Variants in CDH10 observed in about 807,000 individuals in gnomAD.
The protein encoded by CDH10 is cadherin-10.
Under a neutral mutation model 73.1 loss-of-function variants are expected in CDH10, and 30 were observed. The ratio of observed to expected loss-of-function variants is 0.41; its 90% CI spans 0.31 to 0.56. CDH10 has a LOEUF of 0.56. Ranked by LOEUF, CDH10 falls within the 20% of genes least tolerant of loss-of-function variation. CDH10 has a pLI of 0.27. For synonymous variants in CDH10, 345 were observed against 348.2 expected (o/e 0.99, Z 0.10); for missense variants, 815 against 973.7 (o/e 0.84, Z 2.17).
chr5:24,604,194 T>G (rs1266858091), intron 1 of CDH10, among the ~76,000 whole-genome samples: 1 of 150,932 alleles, frequency 6.6e-6, no homozygotes, highest in African/African-American at 2.4e-5. Context: ...ACAAAAAAAT[T>G]TAAAAATTAG....
intron 9 of CDH10, 40 bp downstream of exon 9, chr5:24,498,358 G>A (rs1421473708): frequency 6.9e-7 from 1 of 1,450,442 alleles, no homozygotes; most frequent in African/African-American, 1.4e-5. Context: ...TTTGCATACA[G>A]TTAAAATCTT....
chr5:24,571,072 C>T (rs2112022200), intron 2 of CDH10, among the ~76,000 whole-genome samples: 1 of 152,188 alleles, frequency 6.6e-6, no homozygotes, highest in Non-Finnish European at 1.5e-5. Context: ...TCATATTCTT[C>T]ACAATGGAAT....
intron 11 of CDH10, among the ~76,000 whole-genome samples, chr5:24,489,551 C>G (rs1741973113): frequency 6.6e-6 from 1 of 152,066 alleles, no homozygotes; most frequent in African/African-American, 2.4e-5. Flanking sequence ...ACCAAATGAC[C>G]TTGCCCAGCA....
At chr5:24,510,535 T>C (rs557639424) in intron 6 of CDH10, among the ~76,000 whole-genome samples, 4 of 152,332 alleles carry the variant, frequency 2.6e-5, no homozygotes, top group Non-Finnish European at 4.4e-5. Context: ...TTTATTTTTG[T>C]TTCAAAAAGA....
intron 2 of CDH10, among the ~76,000 whole-genome samples, chr5:24,574,180 C>T (rs1202692253): frequency 6.6e-6 from 1 of 152,088 alleles, no homozygotes; most frequent in African/African-American, 2.4e-5. Context: ...GCCACTGCGC[C>T]CGGCCTATCA....
intron 5 of CDH10, among the ~76,000 whole-genome samples, chr5:24,511,991 A>T (rs1207851775): frequency 6.6e-6 from 1 of 152,052 alleles, no homozygotes; most frequent in East Asian, 1.9e-4. Flanking sequence ...TTGAGGCTGG[A>T]GGGTGGGAGG....
In CDH10 at chr5:24,491,606, C is replaced by A. The variant is rs970306300; in HGVS notation, c.1846G>T (p.Ala616Ser). 2 of 1,613,268 alleles carry A rather than the reference C, an allele frequency of 1.2e-6. No individual in the cohort carries two copies. The highest frequency in any genetic ancestry group is 1.7e-5 in the Admixed American group (1 of 59,964). The change falls in exon 11 of 12, where the codon GCC becomes TCC. Residue 616 changes from alanine to serine, a missense_variant. Around this residue, in one of 3 missense-constraint regions of CDH10, gnomAD observed 241 missense variants for 240.3 expected, o/e 1.00. Transcript: ENST00000264463. ...PAGLSTGALI[A>S]ILLCIIILLV... ...AGAATGATGATGCAGAGGAGGATGG[C>A]GATCAAGGCCCCAGTGCTGAGGCCG... is the stretch of plus-strand genomic sequence containing the variant.
chr5:24,535,399 G>A lies in CDH10; in HGVS notation c.647-120C>T, dbSNP rs184474648. 6.4e-5 allele frequency: 57 copies of A among 895,778 alleles called. No homozygotes were observed. In the East Asian group the frequency reaches 1.1e-3, roughly 17 times the overall value. The allele number at this position is 895,778 out of a possible 1,614,324, so 55.5% of individuals were successfully genotyped here. ...TTTTGAAAGATACGTTTTGATACTC[G>A]TTTTTATTGTCTAGAAATTATAAAA... is the stretch of plus-strand genomic sequence containing the variant. On this transcript the variant is annotated intron_variant, in intron 4 of 11. Transcript: ENST00000264463.
At chr5:24,590,576 T>C (rs1746165667) in intron 2 of CDH10, among the ~76,000 whole-genome samples, 1 of 152,032 alleles carries the variant, frequency 6.6e-6, no homozygotes, top group African/African-American at 2.4e-5. Context: ...TCCTCTCTAC[T>C]TTAACCCAAT....
intron 1 of CDH10, among the ~76,000 whole-genome samples, chr5:24,625,637 GTA>G (rs1302573897): frequency 6.7e-6 from 1 of 148,494 alleles, no homozygotes; most frequent in Admixed American, 6.8e-5. Context: ...ATATATATGT[GTA>G]TATATATATT....
chr5:24,502,435 A>T (rs1361229161), intron 8 of CDH10, among the ~76,000 whole-genome samples: 1 of 152,164 alleles, frequency 6.6e-6, no homozygotes, highest in East Asian at 1.9e-4. Context: ...GGCGTGATGT[A>T]TGACACACTG....
chr5:24,499,238 T>C (rs188091315), intron 8 of CDH10: 1 of 152,642 alleles, frequency 6.6e-6, no homozygotes. Context: ...TTTATTAATA[T>C]AGTTATTGCT....
chr5:24,640,264 A>G (rs185998832), intron 1 of CDH10, among the ~76,000 whole-genome samples: 1 of 151,600 alleles, frequency 6.6e-6, no homozygotes, highest in Non-Finnish European at 1.5e-5. Flanking sequence ...GAAAAAAGAG[A>G]GGGAGATGGA....
chr5:24,544,091 C>T (rs577856926), intron 2 of CDH10, among the ~76,000 whole-genome samples: 4 of 152,160 alleles, frequency 2.6e-5, no homozygotes, highest in Admixed American at 1.3e-4. Flanking sequence ...GTCAACAGAT[C>T]GAGACCATCC....
At chr5:24,626,660 C>T (rs868388095) in intron 1 of CDH10, among the ~76,000 whole-genome samples, 1 of 151,764 alleles carries the variant, frequency 6.6e-6, no homozygotes, top group South Asian at 2.1e-4. Context: ...CCTGTAATCC[C>T]AGCTACTCGG....
At position 24,487,725 on chromosome 5, in the gene CDH10, C is replaced by G. The variant is rs1302183872; in HGVS notation, c.2305G>C (p.Gly769Arg). Residue 769 changes from glycine (G) to arginine (R), a missense_variant, in exon 12 of 12, where the codon GGC (glycine) becomes CGC (arginine). By Grantham distance (125) the Gly-to-Arg change is moderately radical. Around this residue, in one of 3 missense-constraint regions of CDH10, gnomAD observed 241 missense variants for 240.3 expected, o/e 1.00. Transcript: ENST00000264463. ...DQNYDYLREW[G>R]PRFNKLAEMY... ...TCTGCTAGCTTATTAAACCGAGGGC[C>G]CCATTCTCGGAGGTAATCGTAGTTT... The G allele has an allele frequency of 1.2e-6, 2 of 1,613,358 alleles. No individual in the cohort carries two copies.
At chr5:24,610,000 G>A (rs544429464) in intron 1 of CDH10, 1 of 152,360 alleles carries the variant, frequency 6.6e-6, no homozygotes, top group East Asian at 1.9e-4. Flanking sequence ...AGAGCAGGGA[G>A]GGAAACGCGG....
chr5:24,553,663 G>A lies in CDH10; in HGVS notation c.232-15989C>T, dbSNP rs1438804464. Reference sequence around the variant, plus strand: ...GTAGCATCTAATGTTTTCCACGGGTGGCTACAATGATACCTTCCACCCATA... The same window carrying A: ...GTAGCATCTAATGTTTTCCACGGGTAGCTACAATGATACCTTCCACCCATA... On this transcript the variant is annotated intron_variant, in intron 2 of 11. Coordinates refer to ENST00000264463, the MANE Select transcript of CDH10 (RefSeq NM_006727.5). Among the ~76,000 whole-genome samples, 2 of 152,032 alleles carry A rather than the reference G, an allele frequency of 1.3e-5. 1 individual carries two copies.
intron 1 of CDH10, among the ~76,000 whole-genome samples, chr5:24,613,405 C>A (rs1207756829): frequency 2.0e-5 from 3 of 151,358 alleles, no homozygotes; most frequent in Non-Finnish European, 2.9e-5. Flanking sequence ...AAGACTACGT[C>A]GTCTTTATTT....
Sources: gnomAD v4.1 joint callset for allele counts (sites outside exome capture counted in the v4.1 genomes callset) on GRCh38, gnomAD v4.1.1 for gene constraint, gnomAD v4.1.1 regional missense constraint, MANE v1.5 for transcripts, NCBI Gene and HGNC (gene_info 2026-07-23, HGNC 2026-07-21) for gene names.